The following RBFOX1 variants were observed in gnomAD, a reference collection of about 807,000 sequenced individuals.
RBFOX1 encodes the protein RNA binding protein fox-1 homolog 1.
A neutral mutation model predicts 57.7 loss-of-function variants in RBFOX1; 8 were observed. The ratio of observed to expected loss-of-function variants is 0.14; its 90% confidence interval spans 0.08 to 0.25. RBFOX1 has a LOEUF of 0.25. Among genes scored for constraint, RBFOX1 ranks in the 10% least tolerant of loss-of-function variants. The pLI is 1.00. For synonymous variants in RBFOX1, 326 were observed against 222.4 expected, an observed-to-expected ratio of 1.47 and a Z score of -4.15; for missense variants, 611 against 548.5, an observed-to-expected ratio of 1.11 and a Z score of -1.14.
chr16:6,186,024 T>C (rs907874795), intron 1 of RBFOX1, among the ~76,000 whole-genome samples: 1 of 152,216 alleles, frequency 6.6e-6, no homozygotes. Flanking sequence ...TTCTCTATTC[T>C]CCTTGGATGT....
intron 3 of RBFOX1, among the ~76,000 whole-genome samples, chr16:6,991,624 C>T (rs779006443): frequency 1.4e-4 from 22 of 152,102 alleles, no homozygotes; most frequent in Non-Finnish European, 2.9e-4. Flanking sequence ...GCAACTTCCA[C>T]CTCCCAGGCT....
intron 1 of RBFOX1, among the ~76,000 whole-genome samples, chr16:6,184,686 A>G (rs1350077537): frequency 6.6e-6 from 1 of 151,462 alleles, no homozygotes; most frequent in Admixed American, 6.6e-5. Context: ...CACCGTCTCG[A>G]GTAGCTGGGA....
At chr16:6,062,906 A>C (rs1452240118) in intron 1 of RBFOX1, among the ~76,000 whole-genome samples, 1 of 152,100 alleles carries the variant, frequency 6.6e-6, no homozygotes, top group South Asian at 2.1e-4. Flanking sequence ...AGCTGGCTGG[A>C]AACTCAGGCA....
chr16:7,656,424 C>T (rs1006337039), intron 12 of RBFOX1, among the ~76,000 whole-genome samples: 5 of 145,380 alleles, frequency 3.4e-5, no homozygotes, highest in African/African-American at 5.0e-5. Context: ...AGAGTGGGAC[C>T]CAGGGCAGGA....
intron 3 of RBFOX1, among the ~76,000 whole-genome samples, chr16:6,920,320 T>C (rs1283120568): frequency 6.6e-6 from 1 of 152,198 alleles, no homozygotes; most frequent in Non-Finnish European, 1.5e-5. Flanking sequence ...CAAACGGTAG[T>C]TCTGCTCTTA....
intron 1 of RBFOX1, among the ~76,000 whole-genome samples, chr16:6,099,185 G>C (rs375723299): frequency 2.1e-4 from 32 of 152,270 alleles, no homozygotes; most frequent in African/African-American, 7.7e-4. Context: ...AACTCCATTT[G>C]GTTCAGTCAA....
chr16:5,629,140 C>A (rs530105015), intron 3 of RBFOX1, among the ~76,000 whole-genome samples: 1 of 152,322 alleles, frequency 6.6e-6, no homozygotes, highest in South Asian at 2.1e-4. Flanking sequence ...TCATTTTCCA[C>A]TTAGAACATA....
intron 4 of RBFOX1, among the ~76,000 whole-genome samples, chr16:7,144,730 C>A (rs1288251363): frequency 1.3e-5 from 2 of 152,078 alleles, no homozygotes; most frequent in Admixed American, 1.3e-4. Context: ...CTCCCTCCCA[C>A]CTACATATGA....
At chr16:7,387,789 C>T (rs2097909886) in intron 4 of RBFOX1, among the ~76,000 whole-genome samples, 1 of 152,182 alleles carries the variant, frequency 6.6e-6, no homozygotes, top group African/African-American at 2.4e-5. Flanking sequence ...CTTTTGAATG[C>T]TGGAGAAAGC....
At chr16:5,766,347 G>A (rs1045088475) in intron 3 of RBFOX1, among the ~76,000 whole-genome samples, 1 of 152,098 alleles carries the variant, frequency 6.6e-6, no homozygotes, top group Non-Finnish European at 1.5e-5. Context: ...AGCGCTTTGG[G>A]TAGCTGAGGT....
chr16:7,000,914 A>G (rs570436760), intron 3 of RBFOX1, among the ~76,000 whole-genome samples: 4 of 151,380 alleles, frequency 2.6e-5, no homozygotes, highest in Non-Finnish European at 5.9e-5. Flanking sequence ...CACATAATAA[A>G]TTTTCTTGTT....
At chr16:7,654,982 A>G (rs533415986) in intron 12 of RBFOX1, among the ~76,000 whole-genome samples, 6 of 152,176 alleles carry the variant, frequency 3.9e-5, no homozygotes, top group Non-Finnish European at 7.3e-5. Context: ...GCCTGGCACT[A>G]GGCTTCCCTG....
intron 1 of RBFOX1, among the ~76,000 whole-genome samples, chr16:6,141,562 C>G (rs770828327): frequency 1.3e-5 from 2 of 152,150 alleles, no homozygotes; most frequent in African/African-American, 4.8e-5. Flanking sequence ...ATTTTTGTGA[C>G]TTCCTGTCTT....
chr16:6,775,329 CAA>C lies in RBFOX1; in HGVS notation c.-16+120701_-16+120702del, dbSNP rs371277644. 5.2e-3 allele frequency among the ~76,000 whole-genome samples: 353 copies of C among 67,282 alleles called. 2 individuals are homozygous for C. The highest frequency in any genetic ancestry group is 0.032 in the South Asian group (56 of 1,760). 44.1% of individuals were successfully genotyped at this position (67,282 alleles called of 152,430 possible). ...TGGGCGATACAGCGAGACTCTGTCT[CAA>C]AAAAAAAAAAAAAAAAAAAAAGTAG... On this transcript the variant is annotated intron_variant, in intron 3 of 15. Coordinates refer to ENST00000550418, the MANE Select transcript of RBFOX1 (RefSeq NM_018723.4).
chr16:6,817,496 C>G (rs1298699365), intron 3 of RBFOX1, among the ~76,000 whole-genome samples: 1 of 147,628 alleles, frequency 6.8e-6, no homozygotes, highest in Non-Finnish European at 1.5e-5. Flanking sequence ...GAGTTCGAGA[C>G]CAGCCTGGCC....
chr16:7,569,388 C>T (rs2092527535), intron 5 of RBFOX1, among the ~76,000 whole-genome samples: 1 of 152,142 alleles, frequency 6.6e-6, no homozygotes, highest in African/African-American at 2.4e-5. Flanking sequence ...TTCTTGGGCT[C>T]ATGGCCCCTT....
chr16:6,266,429 A>T (rs1336874889), intron 1 of RBFOX1, among the ~76,000 whole-genome samples: 1 of 152,154 alleles, frequency 6.6e-6, no homozygotes. Context: ...CTATTTACTA[A>T]CAGGCCAGAC....
intron 2 of RBFOX1, among the ~76,000 whole-genome samples, chr16:6,573,106 A>G (rs1170178491): frequency 6.6e-6 from 1 of 152,190 alleles, no homozygotes; most frequent in East Asian, 1.9e-4. Context: ...ACCCTAGACC[A>G]TGGGCACTGC....
chr16:6,595,800 T>C (rs2097771477), intron 2 of RBFOX1, among the ~76,000 whole-genome samples: 2 of 152,202 alleles, frequency 1.3e-5, no homozygotes, highest in Admixed American at 6.5e-5. Context: ...ATTTCCCTAA[T>C]GATTACTGGC....
Sources: gnomAD v4.1 joint callset for allele counts (sites outside exome capture counted in the v4.1 genomes callset) on GRCh38, gnomAD v4.1.1 for gene constraint, MANE v1.5 for transcripts, NCBI Gene and HGNC (gene_info 2026-07-23, HGNC 2026-07-21) for gene names.